AGPAT3: variants seen among roughly 807,000 people sequenced by gnomAD.
AGPAT3 encodes the protein 1-acylglycerol-3-phosphate O-acyltransferase 3.
A neutral mutation model predicts 47.3 loss-of-function variants in AGPAT3; 5 were observed. The ratio of observed to expected loss-of-function variants is 0.11; its 90% CI spans 0.06 to 0.22. The LOEUF (loss-of-function observed/expected upper bound fraction) is 0.22, where lower values mean the gene tolerates loss of function less well. AGPAT3 is among the 10% of genes least tolerant of loss of function. AGPAT3 has a pLI of 1.00. For synonymous variants in AGPAT3, 212 were observed against 208.3 expected (o/e 1.02, Z -0.15); for missense variants, 315 against 493.0 (o/e 0.64, Z 3.42).
chr21:43,873,202 A>T (rs1250166964), intron 1 of AGPAT3, among the ~76,000 whole-genome samples: 1 of 151,966 alleles, frequency 6.6e-6, no homozygotes, highest in East Asian at 1.9e-4. Context: ...AGACCCCGGG[A>T]GCTCTCTCAA....
At chr21:43,894,607 C>G (rs751291366) in intron 1 of AGPAT3, among the ~76,000 whole-genome samples, 4 of 152,110 alleles carry the variant, frequency 2.6e-5, no homozygotes, top group Non-Finnish European at 4.4e-5. Context: ...TTGAAATATA[C>G]GATAGATTAT....
At position 43,985,228 on chromosome 21, in the gene AGPAT3, C is replaced by A. The variant is rs972683938; in HGVS notation, c.*2836C>A. 1 of 456,280 alleles carries A rather than the reference C, an allele frequency of 2.2e-6. No homozygotes were observed. Among genetic ancestry groups the A allele is most frequent in the African/African-American group, 2.0e-5 (1 of 50,198 alleles). The allele number at this position is 456,280 out of a possible 1,614,324, so 28.3% of individuals were successfully genotyped here. The stretch of plus-strand genomic sequence containing the variant: ...CATTGCTGTCTTCATCGTCTTCCCC[C>A]GTGTGAGACACTGGTTGTCTGGTAC... On this transcript the variant is annotated 3_prime_UTR_variant, in exon 10 of 10. Coordinates refer to ENST00000291572, the MANE Select transcript of AGPAT3 (RefSeq NM_020132.5).
In AGPAT3 at chr21:43,868,141, G is replaced by A. The variant is rs2123486604; in HGVS notation, c.-112+2796G>A. On this transcript the variant is annotated intron_variant, in intron 1 of 9. Coordinates refer to ENST00000291572, the MANE Select transcript of AGPAT3 (RefSeq NM_020132.5). ...GGCAGTCTCATAACCTTGGGGCAGT[G>A]TCTGTGTTTAGTTTTGGAGGCGGGA... 2.6e-5 allele frequency among the ~76,000 whole-genome samples: 4 copies of A among 152,350 alleles called. 1 individual carries two copies. The South Asian group carries it at 8.3e-4, about 32-fold the overall frequency.
chr21:43,969,305 C>G (rs754899333), intron 5 of AGPAT3, 26 bp downstream of exon 5: 2 of 1,611,440 alleles, frequency 1.2e-6, no homozygotes, highest in South Asian at 2.2e-5. Flanking sequence ...AGCCCGATAC[C>G]CTGCATGCCT....
intron 1 of AGPAT3, among the ~76,000 whole-genome samples, chr21:43,876,164 T>G (rs1355467729): frequency 6.6e-6 from 1 of 152,228 alleles, no homozygotes. Flanking sequence ...CAAGTTTGCC[T>G]CTCCTCTTGT....
rs1368247918 is a variant in AGPAT3 at position 43,987,217 on chromosome 21, C to T, written c.*4825C>T. Among the ~76,000 whole-genome samples, 1 of 152,260 alleles carries T rather than the reference C, an allele frequency of 6.6e-6. No individual in the cohort carries two copies. The highest frequency in any genetic ancestry group is 1.5e-5 in the Non-Finnish European group (1 of 68,054). ...GGGGAAACCAGGGCCACCAGGCACT[C>T]CTGTCCCATGGGGCCACCCACCTTC... On this transcript the variant is annotated 3_prime_UTR_variant, in exon 10 of 10. Transcript: ENST00000291572.
chr21:43,956,386 C>T (rs1336434377), intron 2 of AGPAT3, among the ~76,000 whole-genome samples: 4 of 152,184 alleles, frequency 2.6e-5, no homozygotes, highest in Non-Finnish European at 5.9e-5. Flanking sequence ...ATGCACGAAG[C>T]CTCTCTGTGC....
intron 2 of AGPAT3, among the ~76,000 whole-genome samples, chr21:43,944,266 C>G (rs1356453187): frequency 6.6e-6 from 1 of 152,292 alleles, no homozygotes; most frequent in African/African-American, 2.4e-5. Context: ...CTATTTCAGG[C>G]TCCAGGAGGC....
Position 43,958,863 on chromosome 21 carries a change from TGTGTGTG to T in AGPAT3, c.-48-757_-48-751del, listed in dbSNP as rs1300722622. On this transcript the variant is annotated intron_variant, in intron 2 of 9. Transcript: ENST00000291572. Reference sequence around the variant, plus strand: ...TGTGTGGCATGTGTGGTTTGCGGTGTGTGTGTGGTGTGTGGTGTGTATGGTGTGTGTG... The same window carrying T: ...TGTGTGGCATGTGTGGTTTGCGGTGTGTGTGTGGTGTGTATGGTGTGTGTG... 1.3e-3 allele frequency among the ~76,000 whole-genome samples: 191 copies of T among 145,518 alleles called. 1 individual carries two copies. Among genetic ancestry groups the T allele is most frequent in the South Asian group, 5.8e-3 (26 of 4,460 alleles).
intron 8 of AGPAT3, 53 bp from the exon 9 acceptor site, chr21:43,980,936 T>C (rs1445981499): frequency 2.0e-6 from 3 of 1,476,672 alleles, no homozygotes. Context: ...TGCATTGAAA[T>C]AATAGCTTGT....
intron 7 of AGPAT3, 70 bp downstream of exon 7, chr21:43,971,560 G>A: frequency 6.7e-7 from 1 of 1,496,066 alleles, no homozygotes; most frequent in Non-Finnish European, 9.3e-7. Flanking sequence ...GCAGAGGCCA[G>A]GAGGGTGGCT....
chr21:43,954,920 C>A lies in AGPAT3; in HGVS notation c.-48-4714C>A. The stretch of plus-strand genomic sequence containing the variant: ...GGGAGTCTCTGCGTAGACTTTCTAG[C>A]CCAGAGGTTCAGGTGATGGACCAGA... On this transcript the variant is annotated intron_variant, in intron 2 of 9. Coordinates refer to ENST00000291572, the MANE Select transcript of AGPAT3 (RefSeq NM_020132.5). The surrounding 1 kb of genome is among the most constrained non-coding windows in gnomAD (Gnocchi z 4.0). 2.6e-6 allele frequency: 2 copies of A among 768,700 alleles called. No homozygotes were observed. The highest frequency in any genetic ancestry group is 3.4e-6 in the Non-Finnish European group (2 of 590,414). The allele number at this position is 768,700 out of a possible 1,614,324, so 47.6% of individuals were successfully genotyped here. A position where few individuals can be genotyped will look rare whatever the true frequency, so the allele number is the denominator to read the frequency against.
intron 1 of AGPAT3, among the ~76,000 whole-genome samples, chr21:43,875,156 AT>A (rs1042697765): frequency 3.9e-5 from 6 of 152,042 alleles, no homozygotes; most frequent in African/African-American, 1.4e-4. Flanking sequence ...TAATTTTTGT[AT>A]TTTTAGTAGA....
At chr21:43,956,263 G>T (rs1194696882) in intron 2 of AGPAT3, among the ~76,000 whole-genome samples, 2 of 152,180 alleles carry the variant, frequency 1.3e-5, no homozygotes, top group Non-Finnish European at 2.9e-5. Flanking sequence ...GCTCTAAGGG[G>T]CCCCTGCCCA....
intron 1 of AGPAT3, among the ~76,000 whole-genome samples, chr21:43,901,438 T>C (rs955904486): frequency 8.1e-5 from 4 of 49,604 alleles, no homozygotes; most frequent in African/African-American, 1.2e-4. Flanking sequence ...GTTCCACGTG[T>C]TCAATCAGGG....
At chr21:43,926,326 G>A (rs1234110842) in intron 2 of AGPAT3, among the ~76,000 whole-genome samples, 4 of 152,204 alleles carry the variant, frequency 2.6e-5, no homozygotes, top group Non-Finnish European at 4.4e-5. Context: ...TCGCTCTGCC[G>A]TCCTTGGCTG....
At chr21:43,881,865 C>G (rs905435088) in intron 1 of AGPAT3, among the ~76,000 whole-genome samples, 1 of 152,198 alleles carries the variant, frequency 6.6e-6, no homozygotes, top group African/African-American at 2.4e-5. Context: ...TCATATTGGT[C>G]AGGCTGGTCT....
chr21:43,897,024 A>G (rs993180619), intron 1 of AGPAT3, among the ~76,000 whole-genome samples: 3 of 138,296 alleles, frequency 2.2e-5, no homozygotes, highest in African/African-American at 8.3e-5. Flanking sequence ...TGGCAGGGTC[A>G]TAGGATAATA....
intron 2 of AGPAT3, among the ~76,000 whole-genome samples, chr21:43,935,217 T>A (rs1218539834): frequency 1.3e-5 from 2 of 152,230 alleles, no homozygotes; most frequent in Admixed American, 6.5e-5. Flanking sequence ...ATCGGTTGTG[T>A]CACACACTGG....
Sources: gnomAD v4.1 joint callset for allele counts (sites outside exome capture counted in the v4.1 genomes callset) on GRCh38, gnomAD v4.1.1 for gene constraint, Gnocchi (gnomAD v3.1) non-coding constraint, MANE v1.5 for transcripts, NCBI Gene and HGNC (gene_info 2026-07-23, HGNC 2026-07-21) for gene names.